Variants in OCIAD1 observed in about 807,000 individuals in gnomAD.
OCIAD1 encodes OCIA domain containing 1, also known as OCIA domain-containing protein 1.
A neutral mutation model predicts 38.9 loss-of-function variants in OCIAD1; 29 were observed. That is an observed-to-expected ratio of 0.74 (90% confidence interval 0.55 to 1.02). The LOEUF (loss-of-function observed/expected upper bound fraction) is 1.02, where lower values mean the gene tolerates loss of function less well. Among genes scored for constraint, OCIAD1 ranks in the 50% least tolerant of loss-of-function variants. The probability of loss-of-function intolerance (pLI) is 0.00; values close to 1 mark genes in which losing one functional copy is unlikely to be tolerated. For missense variants in OCIAD1, 288 were observed against 289.6 expected (o/e 0.99, Z 0.04); for synonymous variants, 110 against 92.0 (o/e 1.20, Z -1.12).
intron 1 of OCIAD1, among the ~76,000 whole-genome samples, chr4:48,810,313 CA>C: frequency 6.6e-6 from 1 of 151,378 alleles, no homozygotes; most frequent in East Asian, 1.9e-4. Context: ...ACTAAAAACA[CA>C]AAAAATTAGC....
At chr4:48,808,277 G>C (rs1350465004) in intron 1 of OCIAD1, among the ~76,000 whole-genome samples, 1 of 152,128 alleles carries the variant, frequency 6.6e-6, no homozygotes, top group Non-Finnish European at 1.5e-5. Flanking sequence ...AGACCAGACT[G>C]GACCAGGTGG....
In OCIAD1 at chr4:48,818,499, A is replaced by G. The variant is rs1777162480; in HGVS notation, c.-102-12078A>G. Among the ~76,000 whole-genome samples the G allele has an allele frequency of 2.0e-5, 3 of 152,332 alleles. No homozygotes were observed. The South Asian group carries it at 6.2e-4, about 32-fold the overall frequency. ...GTGCAAAAATGCAGGAAATTCCAAA[A>G]ACCAGAAGGCCTATTCTCCTCCAAA... On this transcript the variant is annotated intron_variant, in intron 1 of 6. Coordinates refer to the OCIAD1 transcript ENST00000504654.
chr4:48,825,146 CA>C (rs1777236366), intron 1 of OCIAD1, among the ~76,000 whole-genome samples: 1 of 152,218 alleles, frequency 6.6e-6, no homozygotes, highest in Non-Finnish European at 1.5e-5. Flanking sequence ...ATTTCAACCC[CA>C]AAAGTCCAGA....
At chr4:48,822,833 CA>C (rs1160535215) in intron 1 of OCIAD1, among the ~76,000 whole-genome samples, 1 of 152,202 alleles carries the variant, frequency 6.6e-6, no homozygotes, top group Non-Finnish European at 1.5e-5. Context: ...ATGAAAACCA[CA>C]ATGAGATACC....
chr4:48,841,852 C>T (rs1393625177), intron 3 of OCIAD1, among the ~76,000 whole-genome samples: 2 of 150,918 alleles, frequency 1.3e-5, no homozygotes, highest in Non-Finnish European at 3.0e-5. Context: ...CGGTTTTAGG[C>T]ATATATATAT....
intron 4 of OCIAD1, among the ~76,000 whole-genome samples, chr4:48,843,805 A>T (rs1233529510): frequency 6.6e-6 from 1 of 152,176 alleles, no homozygotes; most frequent in Non-Finnish European, 1.5e-5. Flanking sequence ...AGTGTTTATT[A>T]TTGTTCTGCT....
rs970187185 is a variant in OCIAD1 at position 48,819,562 on chromosome 4, TG to T, written c.-102-11014del. On this transcript the variant is annotated intron_variant, in intron 1 of 6. Transcript: ENST00000504654. Reference sequence around the variant, plus strand: ...CACACATAACAATGTTAGCCTTCAGTGTAAATGGGCTAAATGCCCCAATTAA... The same window carrying T: ...CACACATAACAATGTTAGCCTTCAGTTAAATGGGCTAAATGCCCCAATTAA... Among the ~76,000 whole-genome samples, 70 of 151,902 alleles carry T rather than the reference TG, an allele frequency of 4.6e-4. 1 individual carries two copies. The highest frequency in any genetic ancestry group is 1.7e-3 in the African/African-American group (69 of 41,454).
chr4:48,811,798 T>C (rs1049280976), intron 1 of OCIAD1, among the ~76,000 whole-genome samples: 5 of 151,888 alleles, frequency 3.3e-5, no homozygotes, highest in African/African-American at 1.2e-4. Context: ...TCAAATGAAA[T>C]GGAAAGAGGA....
chr4:48,829,545 A>G (rs1777322213), upstream of OCIAD1, among the ~76,000 whole-genome samples: 1 of 152,228 alleles, frequency 6.6e-6, no homozygotes, highest in African/African-American at 2.4e-5. Flanking sequence ...CATAACAAAT[A>G]CTATGAAAAC....
At chr4:48,808,635 T>C (rs1489669889) in intron 1 of OCIAD1, among the ~76,000 whole-genome samples, 1 of 152,156 alleles carries the variant, frequency 6.6e-6, no homozygotes, top group Non-Finnish European at 1.5e-5. Context: ...AACATAGTGT[T>C]CCTCCCCTCT....
chr4:48,831,569 G>C, intron 1 of OCIAD1: 1 of 1,289,884 alleles, frequency 7.8e-7, no homozygotes, highest in Non-Finnish European at 1.0e-6. Context: ...CTTTAATCCA[G>C]CGTTGTTTTG....
At chr4:48,835,437 C>G (rs1434251334) in intron 3 of OCIAD1, among the ~76,000 whole-genome samples, 2 of 151,990 alleles carry the variant, frequency 1.3e-5, no homozygotes, top group Non-Finnish European at 2.9e-5. Context: ...AAACTGAAGC[C>G]TCTTACAATT....
intron 8 of OCIAD1, among the ~76,000 whole-genome samples, chr4:48,858,295 A>G (rs1057123938): frequency 2.0e-5 from 3 of 152,166 alleles, no homozygotes; most frequent in African/African-American, 7.2e-5. Flanking sequence ...GAGATCTGAT[A>G]GTCTTATTTT....
intron 1 of OCIAD1, among the ~76,000 whole-genome samples, chr4:48,818,045 T>A (rs1777158151): frequency 6.6e-6 from 1 of 152,146 alleles, no homozygotes. Flanking sequence ...CAAAAGGGAT[T>A]CTCCCAGCGC....
intron 1 of OCIAD1, among the ~76,000 whole-genome samples, chr4:48,811,745 G>C (rs144116296): frequency 1.6e-3 from 251 of 152,306 alleles, no homozygotes; most frequent in African/African-American, 5.4e-3. Flanking sequence ...TTTATGTAGA[G>C]TGAGAGAGAA....
At chr4:48,848,205 A>G (rs766244158) in intron 4 of OCIAD1, among the ~76,000 whole-genome samples, 194 bp from the exon 5 acceptor site, 10 of 152,206 alleles carry the variant, frequency 6.6e-5, no homozygotes, top group Non-Finnish European at 1.2e-4. Context: ...CTGTTCTAAT[A>G]CTTTGTAGAG....
chr4:48,814,357 G>C (rs1777122978), intron 1 of OCIAD1, among the ~76,000 whole-genome samples: 1 of 143,152 alleles, frequency 7.0e-6, no homozygotes, highest in African/African-American at 2.6e-5. Flanking sequence ...TTGTTATAGT[G>C]AAATTATAAA....
intron 5 of OCIAD1, among the ~76,000 whole-genome samples, chr4:48,849,272 T>C (rs1170298574): frequency 6.6e-6 from 1 of 152,054 alleles, no homozygotes; most frequent in Non-Finnish European, 1.5e-5. Context: ...TATGCACATG[T>C]ACCCTAGAAC....
chr4:48,855,798 A>ATGTT (rs1779981129), intron 7 of OCIAD1, among the ~76,000 whole-genome samples: 1 of 151,670 alleles, frequency 6.6e-6, no homozygotes, highest in Non-Finnish European at 1.5e-5. Flanking sequence ...CCTGGGTAAC[A>ATGTT]GAGTGAGACT....
Sources: gnomAD v4.1 joint callset for allele counts (sites outside exome capture counted in the v4.1 genomes callset) on GRCh38, gnomAD v4.1.1 for gene constraint, MANE v1.5 for transcripts, NCBI Gene and HGNC (gene_info 2026-07-23, HGNC 2026-07-21) for gene names.